Variants in ANKIB1 observed in about 807,000 individuals in gnomAD.
ANKIB1 encodes the protein ankyrin repeat and IBR domain-containing protein 1.
ANKIB1 carries 43 observed loss-of-function variants against 122.1 expected under a neutral mutation model. The observed-to-expected ratio is 0.35, with a 90% confidence interval of 0.28 to 0.45. The LOEUF (loss-of-function observed/expected upper bound fraction) is 0.45. ANKIB1 is among the 20% of genes least tolerant of loss of function. ANKIB1 has a pLI of 1.00. For missense variants in ANKIB1, 992 were observed against 1,329.5 expected, an observed-to-expected ratio of 0.75 and a Z score of 3.95; for synonymous variants, 390 against 442.0, an observed-to-expected ratio of 0.88 and a Z score of 1.48.
intron 2 of ANKIB1, among the ~76,000 whole-genome samples, chr7:92,304,468 C>T (rs1396586832): frequency 6.6e-6 from 1 of 151,988 alleles, no homozygotes; most frequent in Non-Finnish European, 1.5e-5. Context: ...GAGCTTGGTC[C>T]TTCCATATCA....
chr7:92,389,871 C>A, intron 14 of ANKIB1, 100 bp from the exon 15 acceptor site: 1 of 1,259,590 alleles, frequency 7.9e-7, no homozygotes, highest in Non-Finnish European at 1.1e-6. Context: ...TCCTAATGAT[C>A]CTTCTTTTTC....
At chr7:92,341,094 C>T (rs1803428088) in intron 5 of ANKIB1, among the ~76,000 whole-genome samples, 1 of 152,010 alleles carries the variant, frequency 6.6e-6, no homozygotes, top group South Asian at 2.1e-4. Context: ...CACTTGAGGT[C>T]GGGAGTTTGA....
At chr7:92,367,850 G>A (rs555550669) in intron 10 of ANKIB1, among the ~76,000 whole-genome samples, 1 of 152,224 alleles carries the variant, frequency 6.6e-6, no homozygotes, top group African/African-American at 2.4e-5. Flanking sequence ...AGTTCAAATT[G>A]TATTATTTAA....
chr7:92,345,241 G>A (rs1272376317), intron 7 of ANKIB1, among the ~76,000 whole-genome samples, 175 bp downstream of exon 7: 5 of 152,124 alleles, frequency 3.3e-5, no homozygotes, highest in Middle Eastern at 3.4e-3. Flanking sequence ...TTATTTTTAC[G>A]TCTTCCCCAG....
rs1040511268 is a variant in ANKIB1 at position 92,399,177 on chromosome 7, AAAG to A, written c.*233_*235del. ...TAGCTTTTCCCCTTTTTGCTGACAA[AAAG>A]AAGAGCAAGAGAAAGAGAAACAAAA... On this transcript the variant is annotated 3_prime_UTR_variant, in exon 20 of 20. Transcript: ENST00000265742. 1 of 376,696 alleles carries A rather than the reference AAAG, an allele frequency of 2.7e-6. No individual in the cohort carries two copies. 23.3% of individuals were successfully genotyped at this position (376,696 alleles called of 1,614,324 possible). A position where few individuals can be genotyped will look rare whatever the true frequency, so the allele number is the denominator to read the frequency against.
At chr7:92,332,999 G>C (rs1426508229) in intron 5 of ANKIB1, among the ~76,000 whole-genome samples, 1 of 152,128 alleles carries the variant, frequency 6.6e-6, no homozygotes, top group Non-Finnish European at 1.5e-5. Context: ...AACCAACTGG[G>C]TATTCGAGGC....
intron 4 of ANKIB1, among the ~76,000 whole-genome samples, chr7:92,320,712 A>G (rs1014047805): frequency 2.6e-5 from 4 of 152,106 alleles, no homozygotes; most frequent in Admixed American, 1.3e-4. Flanking sequence ...TTCACTTCTT[A>G]TCTGAGCTAC....
Position 92,271,066 on chromosome 7 carries a change from C to T in ANKIB1, c.-90-23823C>T, listed in dbSNP as rs553886480. On this transcript the variant is annotated intron_variant, in intron 1 of 19. Transcript: ENST00000265742. ...ATGAAAATTTTCTCCTGTGTTTTTT[C>T]TTCTAAAAGTTTTATAGTTTTAAGT... Among the ~76,000 whole-genome samples, 53 of 152,020 alleles carry T rather than the reference C, an allele frequency of 3.5e-4. 2 individuals are homozygous for T. Among genetic ancestry groups the T allele is most frequent in the Middle Eastern group, 3.4e-3 (1 of 292 alleles).
intron 9 of ANKIB1, 68 bp from the exon 10 acceptor site, chr7:92,362,117 C>T (rs746314356): frequency 6.2e-6 from 9 of 1,455,494 alleles, no homozygotes; most frequent in African/African-American, 1.4e-5. Flanking sequence ...GGCCTCTACA[C>T]ACTTTTTTTA....
At chr7:92,270,714 C>G (rs1801768062) in intron 1 of ANKIB1, among the ~76,000 whole-genome samples, 2 of 140,912 alleles carry the variant, frequency 1.4e-5, no homozygotes, top group Non-Finnish European at 3.0e-5. Context: ...ACTGGTCTGT[C>G]TTCCATCGCT....
chr7:92,341,333 T>C (rs1178502039), intron 5 of ANKIB1, among the ~76,000 whole-genome samples: 1 of 151,424 alleles, frequency 6.6e-6, no homozygotes, highest in Non-Finnish European at 1.5e-5. Flanking sequence ...AAAAAATTTG[T>C]CATAACCTTT....
intron 6 of ANKIB1, among the ~76,000 whole-genome samples, chr7:92,344,193 GTTTTT>G (rs67933063): frequency 2.0e-5 from 2 of 97,682 alleles, no homozygotes; most frequent in African/African-American, 4.2e-5. Flanking sequence ...TGTGTTTTTG[GTTTTT>G]TTTTTTTTTT....
Position 92,396,399 on chromosome 7 carries a change from GACA to G in ANKIB1, c.2321_2323del (p.Gln774del). ...GAATTTCAGTATCGGAGGAGGCACA[GACA>G]ACGTCGTCGAGGAGATGTTCACAGT... On this transcript the variant is annotated inframe_deletion, in exon 18 of 20. Coordinates refer to ENST00000265742, the MANE Select transcript of ANKIB1 (RefSeq NM_019004.2). 5 of 1,596,874 alleles carry G rather than the reference GACA, an allele frequency of 3.1e-6. No homozygotes were observed. Among genetic ancestry groups the G allele is most frequent in the Non-Finnish European group, 4.3e-6 (5 of 1,170,874 alleles).
rs778954161 is a variant in ANKIB1, at chr7:92,358,723, G to GA, written c.1398-3455dup. On this transcript the variant is annotated intron_variant, in intron 9 of 19. Coordinates refer to ENST00000265742, the MANE Select transcript of ANKIB1 (RefSeq NM_019004.2). ...TCTCCAGGGGAAAAAAGTCTCCAGG[G>GA]AAAAAAATCTTCATAGAAATAATTT... is the stretch of plus-strand genomic sequence containing the variant. Among the ~76,000 whole-genome samples the GA allele has an allele frequency of 2.6e-5, 4 of 151,924 alleles. 1 individual carries two copies.
chr7:92,366,643 C>A (rs529473342), intron 10 of ANKIB1, among the ~76,000 whole-genome samples: 2 of 152,306 alleles, frequency 1.3e-5, no homozygotes, highest in South Asian at 4.1e-4. Context: ...CAAATCAAAA[C>A]CCCCTTTGGG....
chr7:92,267,597 T>C (rs915199513), intron 1 of ANKIB1, among the ~76,000 whole-genome samples: 1 of 152,232 alleles, frequency 6.6e-6, no homozygotes, highest in African/African-American at 2.4e-5. Flanking sequence ...ATCATGAAGA[T>C]GTTCCTTCAT....
At chr7:92,362,800 T>A (rs916021230) in intron 10 of ANKIB1, among the ~76,000 whole-genome samples, 10 of 152,194 alleles carry the variant, frequency 6.6e-5, no homozygotes, top group Non-Finnish European at 1.3e-4. Context: ...TGATATGAGG[T>A]TGATGTTAGT....
chr7:92,369,618 G>T (rs141126241), intron 10 of ANKIB1, among the ~76,000 whole-genome samples: 120 of 152,220 alleles, frequency 7.9e-4, no homozygotes, highest in Admixed American at 2.3e-3. Flanking sequence ...ACTGCAAGGG[G>T]TCTGATTTCT....
intron 9 of ANKIB1, among the ~76,000 whole-genome samples, chr7:92,361,688 T>C (rs1803949273): frequency 6.6e-6 from 1 of 152,206 alleles, no homozygotes; most frequent in Admixed American, 6.5e-5. Context: ...TTAATAAAAC[T>C]GGTCTAATGG....
Sources: gnomAD v4.1 joint callset for allele counts (sites outside exome capture counted in the v4.1 genomes callset) on GRCh38, gnomAD v4.1.1 for gene constraint, MANE v1.5 for transcripts, NCBI Gene and HGNC (gene_info 2026-07-23, HGNC 2026-07-21) for gene names.